MDGA2: variants seen among roughly 807,000 people sequenced by gnomAD.
The protein encoded by MDGA2 is MAM domain containing glycosylphosphatidylinositol anchor 2.
Under a neutral mutation model 117.8 loss-of-function variants are expected in MDGA2, and 40 were observed. The observed-to-expected ratio is 0.34, with a 90% CI of 0.26 to 0.44. MDGA2 has a LOEUF of 0.44. Among genes scored for constraint, MDGA2 ranks in the 20% least tolerant of loss-of-function variants. MDGA2 has a pLI of 1.00. For missense variants in MDGA2, 1,123 were observed against 1,250.6 expected (o/e 0.90, Z 1.54); for synonymous variants, 452 against 439.0 (o/e 1.03, Z -0.37).
chr14:47,137,429 A>C (rs1422518583), intron 4 of MDGA2, among the ~76,000 whole-genome samples: 1 of 152,094 alleles, frequency 6.6e-6, no homozygotes, highest in African/African-American at 2.4e-5. Context: ...ATAGATGATT[A>C]ATGTCCTGAG....
At chr14:47,172,341 C>A (rs1241001047) in intron 3 of MDGA2, among the ~76,000 whole-genome samples, 1 of 151,128 alleles carries the variant, frequency 6.6e-6, no homozygotes, top group Non-Finnish European at 1.5e-5. Context: ...GGCAAACTGC[C>A]TCCTCAAGTG....
chr14:47,192,122 T>C (rs546298999), intron 3 of MDGA2, among the ~76,000 whole-genome samples: 4 of 152,282 alleles, frequency 2.6e-5, no homozygotes, highest in Admixed American at 1.3e-4. Context: ...GCAACGACAA[T>C]TGCAGTGGAG....
chr14:47,635,667 C>A (rs1360374899), intron 1 of MDGA2, among the ~76,000 whole-genome samples: 1 of 152,126 alleles, frequency 6.6e-6, no homozygotes, highest in Non-Finnish European at 1.5e-5. Flanking sequence ...TGGCCATTAT[C>A]TGATTTAAAT....
At chr14:47,163,655 T>G (rs191440415) in intron 3 of MDGA2, among the ~76,000 whole-genome samples, 1 of 152,196 alleles carries the variant, frequency 6.6e-6, no homozygotes, top group African/African-American at 2.4e-5. Flanking sequence ...CTGGTATATC[T>G]TTATCAGCAG....
intron 1 of MDGA2, among the ~76,000 whole-genome samples, chr14:47,543,711 T>C (rs1895399795): frequency 6.6e-6 from 1 of 152,224 alleles, no homozygotes; most frequent in Admixed American, 6.5e-5. Context: ...TCTAATCTAG[T>C]CACCAGACTT....
chr14:46,873,360 C>T, intron 14 of MDGA2, 73 bp downstream of exon 14: 1 of 1,347,212 alleles, frequency 7.4e-7, no homozygotes, highest in South Asian at 1.8e-5. Flanking sequence ...TGTTTTAATG[C>T]TGTGTGTTTA....
intron 1 of MDGA2, among the ~76,000 whole-genome samples, chr14:47,418,248 G>A (rs750205573): frequency 4.6e-5 from 7 of 151,930 alleles, no homozygotes; most frequent in Non-Finnish European, 8.8e-5. Flanking sequence ...ACCACACCCA[G>A]CTAATTTTTG....
rs768725058 is a variant in MDGA2 at position 47,674,551 on chromosome 14, G to C, written c.246C>G (p.Val82=). 1.3e-6 allele frequency: 2 copies of C among 1,551,282 alleles called. No individual in the cohort carries two copies. Among genetic ancestry groups the C allele is most frequent in the Non-Finnish European group, 8.7e-7 (1 of 1,146,796 alleles). ...LLYGLVWLLT[V]LLEGISGQGV... is the part of the protein sequence containing the mutation. ...CTTGGCCAGAGATCCCCTCCAGGAG[G>C]ACTGTCAGCAGCCACACGAGACCGT... Residue 82 remains valine, a synonymous_variant, in exon 1 of 17, where the codon GTC becomes GTG. Transcript: ENST00000399232.
chr14:47,452,222 A>G (rs7159399), intron 1 of MDGA2, among the ~76,000 whole-genome samples: 48,800 of 151,818 alleles, frequency 0.32, 8,348 homozygotes, highest in East Asian at 0.58. Flanking sequence ...CATGATGTAG[A>G]CATTCAAAAC....
chr14:47,618,378 T>C (rs751159887), intron 1 of MDGA2, among the ~76,000 whole-genome samples: 6 of 152,204 alleles, frequency 3.9e-5, no homozygotes, highest in Non-Finnish European at 8.8e-5. Flanking sequence ...TTTTGCCAAG[T>C]GTCCATCTGC....
chr14:47,134,482 GA>G (rs1424404316), intron 4 of MDGA2, among the ~76,000 whole-genome samples: 1 of 151,856 alleles, frequency 6.6e-6, no homozygotes, highest in Non-Finnish European at 1.5e-5. Flanking sequence ...TTGTAAAAAA[GA>G]AAGTGGGTCT....
intron 9 of MDGA2, among the ~76,000 whole-genome samples, chr14:46,936,643 T>C (rs966554685): frequency 1.3e-5 from 2 of 151,932 alleles, no homozygotes; most frequent in Non-Finnish European, 2.9e-5. Flanking sequence ...AGCTTCCAAA[T>C]ATCACATCAA....
intron 10 of MDGA2, among the ~76,000 whole-genome samples, chr14:46,907,387 C>A (rs1379060167): frequency 2.0e-5 from 3 of 152,166 alleles, no homozygotes; most frequent in Non-Finnish European, 4.4e-5. Flanking sequence ...ACCTGCTGAT[C>A]TAATTTGCAA....
intron 1 of MDGA2, among the ~76,000 whole-genome samples, chr14:47,612,215 G>GATAT (rs1033179708): frequency 6.7e-6 from 1 of 148,166 alleles, no homozygotes; most frequent in Non-Finnish European, 1.5e-5. Context: ...TAGACAGATA[G>GATAT]ATAGATAGAT....
At chr14:47,236,890 G>T (rs1023041841) in intron 2 of MDGA2, among the ~76,000 whole-genome samples, 22 of 152,098 alleles carry the variant, frequency 1.4e-4, no homozygotes, top group Non-Finnish European at 3.2e-4. Flanking sequence ...TGCAAAATAA[G>T]CCAAGCTGTT....
At chr14:47,042,243 T>C (rs887973182) in intron 7 of MDGA2, among the ~76,000 whole-genome samples, 1 of 151,316 alleles carries the variant, frequency 6.6e-6, no homozygotes, top group Non-Finnish European at 1.5e-5. Flanking sequence ...TATAAACAAA[T>C]GTAAAAAAGT....
intron 8 of MDGA2, among the ~76,000 whole-genome samples, chr14:47,007,474 C>A (rs1887752388): frequency 6.6e-6 from 1 of 151,584 alleles, no homozygotes; most frequent in Admixed American, 6.6e-5. Flanking sequence ...CACCATACAC[C>A]TACTCATAAA....
At chr14:47,495,466 T>C (rs771724701) in intron 1 of MDGA2, among the ~76,000 whole-genome samples, 4 of 152,150 alleles carry the variant, frequency 2.6e-5, no homozygotes, top group Non-Finnish European at 4.4e-5. Context: ...TTAGAAATCA[T>C]GCTGCTTTTA....
At chr14:47,335,712 C>T (rs1312320734) in intron 1 of MDGA2, among the ~76,000 whole-genome samples, 2 of 81,782 alleles carry the variant, frequency 2.4e-5, no homozygotes. Flanking sequence ...ATATGTTACA[C>T]ATACACATGC....
Sources: allele counts gnomAD v4.1 joint callset (sites outside exome capture counted in the v4.1 genomes callset), GRCh38; gene constraint gnomAD v4.1.1; transcripts MANE v1.5; gene names NCBI Gene and HGNC (gene_info 2026-07-23, HGNC 2026-07-21).